The following MECOM variants were observed in gnomAD, a reference collection of about 807,000 sequenced individuals.
MECOM encodes the protein MDS1 and EVI1 complex locus.
A neutral mutation model predicts 116.3 loss-of-function variants in MECOM; 13 were observed. The observed-to-expected ratio is 0.11, with a 90% CI of 0.07 to 0.18. The LOEUF (loss-of-function observed/expected upper bound fraction) is 0.18. Ranked by LOEUF, MECOM falls within the 10% of genes least tolerant of loss-of-function variation. MECOM has a pLI of 1.00. For synonymous variants in MECOM, 528 were observed against 535.2 expected (o/e 0.99, Z 0.19); for missense variants, 1,299 against 1,509.0 (o/e 0.86, Z 2.31).
intron 1 of MECOM, among the ~76,000 whole-genome samples, chr3:169,607,612 T>C (rs1011889488): frequency 1.3e-5 from 2 of 152,260 alleles, no homozygotes; most frequent in Non-Finnish European, 2.9e-5. Flanking sequence ...TGAATATCCA[T>C]AATAAGCTGG....
chr3:169,643,728 G>T (rs996746006), intron 1 of MECOM, among the ~76,000 whole-genome samples: 2 of 152,100 alleles, frequency 1.3e-5, no homozygotes, highest in African/African-American at 2.4e-5. Flanking sequence ...ATCTCCACTG[G>T]GTTCAGAATA....
chr3:169,461,296 G>C (rs1189587854), intron 1 of MECOM, among the ~76,000 whole-genome samples: 10 of 151,938 alleles, frequency 6.6e-5, no homozygotes. Flanking sequence ...TCATCATCTG[G>C]GACAGAAACC....
chr3:169,148,804 G>A (rs1480744191), intron 2 of MECOM, among the ~76,000 whole-genome samples: 1 of 152,074 alleles, frequency 6.6e-6, no homozygotes, highest in Non-Finnish European at 1.5e-5. Context: ...TAGCAAAAGG[G>A]AGGGATTGGG....
intron 1 of MECOM, among the ~76,000 whole-genome samples, chr3:169,526,416 T>C (rs934049080): frequency 4.6e-5 from 7 of 152,196 alleles, no homozygotes; most frequent in Non-Finnish European, 1.0e-4. Context: ...GAAAACGTTT[T>C]GACACATTCA....
chr3:169,522,998 C>T (rs1443525487), intron 1 of MECOM, among the ~76,000 whole-genome samples: 3 of 152,184 alleles, frequency 2.0e-5, no homozygotes, highest in African/African-American at 2.4e-5. Context: ...TAACAGATGT[C>T]AGGAGACGAG....
At chr3:169,340,692 A>C (rs955636603) in intron 2 of MECOM, among the ~76,000 whole-genome samples, 6 of 152,234 alleles carry the variant, frequency 3.9e-5, no homozygotes, top group Middle Eastern at 3.2e-3. Context: ...AAAATGTTTT[A>C]AAAATACATT....
chr3:169,629,278 A>G (rs1422731125), intron 1 of MECOM, among the ~76,000 whole-genome samples: 2 of 152,130 alleles, frequency 1.3e-5, no homozygotes, highest in African/African-American at 4.8e-5. Context: ...ATATTTGCCG[A>G]CATCATAATA....
intron 1 of MECOM, among the ~76,000 whole-genome samples, chr3:169,582,033 T>C (rs1375862412): frequency 6.6e-6 from 1 of 152,264 alleles, no homozygotes; most frequent in Non-Finnish European, 1.5e-5. Flanking sequence ...ATATTCCTTC[T>C]ATAAGTTTGG....
chr3:169,636,178 G>A (rs73174400), intron 1 of MECOM, among the ~76,000 whole-genome samples: 7,840 of 152,236 alleles, frequency 0.051, 282 homozygotes, highest in Non-Finnish European at 0.057. Flanking sequence ...ACAGATCCAA[G>A]ATCTTTAGAT....
chr3:169,540,600 T>G (rs1247000131), intron 1 of MECOM, among the ~76,000 whole-genome samples: 1 of 152,200 alleles, frequency 6.6e-6, no homozygotes, highest in Non-Finnish European at 1.5e-5. Flanking sequence ...TTTTTCTTTT[T>G]CATTCATTCT....
chr3:169,488,482 G>C (rs903834615), intron 1 of MECOM, among the ~76,000 whole-genome samples: 1 of 151,852 alleles, frequency 6.6e-6, no homozygotes, highest in Non-Finnish European at 1.5e-5. Flanking sequence ...AGAAGCAAAG[G>C]TTGCTGTGAA....
chr3:169,417,912 T>TTC (rs1738966935), intron 1 of MECOM, among the ~76,000 whole-genome samples: 1 of 148,614 alleles, frequency 6.7e-6, no homozygotes, highest in Non-Finnish European at 1.5e-5. Context: ...AACAATGAGA[T>TTC]CACATGGACA....
At chr3:169,349,452 A>G (rs940430292) in intron 2 of MECOM, among the ~76,000 whole-genome samples, 2 of 151,926 alleles carry the variant, frequency 1.3e-5, no homozygotes, top group Non-Finnish European at 2.9e-5. Flanking sequence ...GCATGCCTGT[A>G]ACTGAAGGAG....
intron 2 of MECOM, among the ~76,000 whole-genome samples, chr3:169,317,718 A>G (rs1030919463): frequency 2.6e-5 from 4 of 152,224 alleles, no homozygotes; most frequent in Non-Finnish European, 5.9e-5. Flanking sequence ...TAGAACCTAC[A>G]CAATTTAAAA....
chr3:169,095,860 T>C (rs16853140), intron 12 of MECOM, among the ~76,000 whole-genome samples: 3,427 of 152,258 alleles, frequency 0.023, 48 homozygotes, highest in South Asian at 0.067. Flanking sequence ...AAAATAATAA[T>C]GCCACTAAGT....
At chr3:169,584,186 A>G (rs1277350195) in intron 1 of MECOM, among the ~76,000 whole-genome samples, 1 of 152,226 alleles carries the variant, frequency 6.6e-6, no homozygotes, top group East Asian at 1.9e-4. Context: ...AACCAAAGCT[A>G]ACATTAAAAG....
At chr3:169,234,716 A>G (rs1753823807) in intron 2 of MECOM, among the ~76,000 whole-genome samples, 4 of 152,162 alleles carry the variant, frequency 2.6e-5, no homozygotes, top group Admixed American at 2.0e-4. Flanking sequence ...TCCTGGCCAT[A>G]TATTTTACAT....
intron 2 of MECOM, among the ~76,000 whole-genome samples, chr3:169,193,541 G>A (rs1019106487): frequency 7.3e-5 from 11 of 151,702 alleles, no homozygotes; most frequent in Non-Finnish European, 1.3e-4. Context: ...GCCTAAAGAC[G>A]TTTTAGAACT....
chr3:169,125,548 G>T (rs190549579), intron 5 of MECOM, among the ~76,000 whole-genome samples: 7 of 152,062 alleles, frequency 4.6e-5, no homozygotes, highest in African/African-American at 4.8e-5. Context: ...AAAGCAAAAG[G>T]AATTTTCCCT....
Sources: gnomAD v4.1 joint callset for allele counts (sites outside exome capture counted in the v4.1 genomes callset) on GRCh38, gnomAD v4.1.1 for gene constraint, MANE v1.5 for transcripts, NCBI Gene and HGNC (gene_info 2026-07-23, HGNC 2026-07-21) for gene names.